The following PACRGL variants were observed in gnomAD, a reference collection of about 807,000 sequenced individuals.
PACRGL encodes the protein PACRG-like protein.
PACRGL carries 38 observed loss-of-function variants against 34.5 expected under a neutral mutation model. The ratio of observed to expected loss-of-function variants is 1.10; its 90% CI spans 0.85 to 1.44. The LOEUF is 1.44. Ranked by LOEUF, PACRGL falls within the 40% of genes most tolerant of loss-of-function variation. The probability of loss-of-function intolerance (pLI) is 0.00; values close to 1 mark genes in which losing one functional copy is unlikely to be tolerated. For missense variants in PACRGL, 305 were observed against 281.4 expected (o/e 1.08, Z -0.60); for synonymous variants, 128 against 100.1 (o/e 1.28, Z -1.66).
chr4:20,752,055 G>GTTTTTTTTTTTT (rs33912651), intron 8 of PACRGL, among the ~76,000 whole-genome samples: 1 of 121,674 alleles, frequency 8.2e-6, no homozygotes, highest in South Asian at 2.9e-4. Flanking sequence ...ACTTCATAGA[G>GTTTTTTTTTTTT]TTTTTTTTTT....
chr4:20,723,320 C>T (rs1198068016), intron 7 of PACRGL, among the ~76,000 whole-genome samples: 1 of 152,106 alleles, frequency 6.6e-6, no homozygotes, highest in Non-Finnish European at 1.5e-5. Context: ...TGCACTCTGC[C>T]CTCCTGTTTT....
intron 7 of PACRGL, 60 bp downstream of exon 7, chr4:20,713,599 C>T: frequency 7.4e-7 from 1 of 1,349,992 alleles, no homozygotes; most frequent in Admixed American, 1.8e-5. Flanking sequence ...ATCCATATCT[C>T]TTCATGATTT....
downstream of PACRGL, among the ~76,000 whole-genome samples, chr4:20,735,212 G>A (rs75678726): frequency 0.02 from 3,042 of 152,278 alleles, 98 homozygotes; most frequent in African/African-American, 0.07. Context: ...TGGACAGTGG[G>A]TAAGAGCATG....
In PACRGL at chr4:20,704,760, A is replaced by C; in HGVS notation, c.153A>C (p.Ala51=). 6.2e-7 allele frequency: 1 copy of C among 1,614,166 alleles called. No individual in the cohort carries two copies. Among genetic ancestry groups the C allele is most frequent in the South Asian group, 1.1e-5 (1 of 91,082 alleles). The change falls in exon 3 of 9, where the codon GCA becomes GCC. Residue 51 remains alanine, a synonymous_variant. Transcript: ENST00000503585. ...SSLSTSSPES[A]RKLHPRPSDK... ...TGTCAACCAGTTCTCCAGAGTCTGC[A>C]AGAAAACTTCATCCTAGACCAAGTG...
chr4:20,707,947 T>G, intron 4 of PACRGL, 77 bp downstream of exon 4: 1 of 1,142,118 alleles, frequency 8.8e-7, no homozygotes, highest in Non-Finnish European at 1.3e-6. Context: ...TTAGTTTAAA[T>G]GTATTGTAAG....
At chr4:20,742,592 A>G (rs912294772) in intron 8 of PACRGL, among the ~76,000 whole-genome samples, 1 of 152,176 alleles carries the variant, frequency 6.6e-6, no homozygotes, top group Non-Finnish European at 1.5e-5. Context: ...TTTATGGCAA[A>G]CCCACAGCCA....
chr4:20,763,821 G>A, the PACRGL span, among the ~76,000 whole-genome samples: 2 of 152,138 alleles, frequency 1.3e-5, no homozygotes, highest in African/African-American at 4.8e-5. Context: ...GCCTGCCAAA[G>A]TGCTGGGATT....
chr4:20,703,858 G>T (rs533673070), intron 1 of PACRGL, among the ~76,000 whole-genome samples: 1 of 152,182 alleles, frequency 6.6e-6, no homozygotes, highest in Admixed American at 6.5e-5. Flanking sequence ...AGCATTGAGT[G>T]TAGGAAATGA....
At chr4:20,757,244 C>G (rs1171159834), downstream of PACRGL, among the ~76,000 whole-genome samples, 1 of 151,820 alleles carries the variant, frequency 6.6e-6, no homozygotes, top group Non-Finnish European at 1.5e-5. Flanking sequence ...TGTAATCTGT[C>G]CCCACTTCTC....
chr4:20,730,189 T>C lies in PACRGL; in HGVS notation c.*2848T>C. On this transcript the variant is annotated 3_prime_UTR_variant, in exon 9 of 9. Coordinates refer to ENST00000503585, the MANE Select transcript of PACRGL (RefSeq NM_001258345.3). ...CATATCTGCAAGGAAAAGTACACTATTTTGCCCCTGAGTATTGCCTCCTCC... is the reference window on the plus strand; with the variant it reads ...CATATCTGCAAGGAAAAGTACACTACTTTGCCCCTGAGTATTGCCTCCTCC... The C allele has an allele frequency of 6.5e-7, 1 of 1,538,588 alleles. No individual in the cohort carries two copies. The highest frequency in any genetic ancestry group is 8.7e-7 in the Non-Finnish European group (1 of 1,143,140).
chr4:20,756,406 T>C (rs535492591), downstream of PACRGL, among the ~76,000 whole-genome samples: 1 of 152,260 alleles, frequency 6.6e-6, no homozygotes, highest in East Asian at 1.9e-4. Context: ...ATCTCTTTTC[T>C]TTTCTATCCT....
At chr4:20,745,043 C>T (rs1296787972) in intron 8 of PACRGL, among the ~76,000 whole-genome samples, 2 of 152,148 alleles carry the variant, frequency 1.3e-5, no homozygotes, top group Non-Finnish European at 2.9e-5. Context: ...GACTCAGACT[C>T]TTGCTAGGAA....
intron 8 of PACRGL, among the ~76,000 whole-genome samples, chr4:20,741,547 A>G: frequency 6.6e-6 from 1 of 152,218 alleles, no homozygotes; most frequent in Non-Finnish European, 1.5e-5. Flanking sequence ...ACGTACCAGA[A>G]TCTCTGGGAC....
chr4:20,750,680 A>G (rs1011189147), intron 8 of PACRGL, among the ~76,000 whole-genome samples: 1 of 152,026 alleles, frequency 6.6e-6, no homozygotes, highest in Non-Finnish European at 1.5e-5. Flanking sequence ...CTGAGTGCCT[A>G]GCTTTCATTC....
chr4:20,705,371 T>A (rs1276087245), intron 3 of PACRGL, among the ~76,000 whole-genome samples: 2 of 152,188 alleles, frequency 1.3e-5, no homozygotes, highest in Non-Finnish European at 2.9e-5. Context: ...GGGTGAGATG[T>A]TAGTGATTTC....
rs1560400521 is a variant in PACRGL at position 20,730,839 on chromosome 4, C to A, written c.*3498C>A. On this transcript the variant is annotated 3_prime_UTR_variant, in exon 9 of 9. Coordinates refer to ENST00000503585, the MANE Select transcript of PACRGL (RefSeq NM_001258345.3). The stretch of plus-strand genomic sequence containing the variant: ...TTGCATGTGAATAGCACTTACTGAG[C>A]TGTTTATGGTAGTGGTAAATGGTGG... 1.3e-5 allele frequency among the ~76,000 whole-genome samples: 2 copies of A among 152,078 alleles called. No homozygotes were observed. The highest frequency in any genetic ancestry group is 4.8e-5 in the African/African-American group (2 of 41,412).
At chr4:20,741,541 A>T (rs1448837153) in intron 8 of PACRGL, among the ~76,000 whole-genome samples, 1 of 152,240 alleles carries the variant, frequency 6.6e-6, no homozygotes, top group Non-Finnish European at 1.5e-5. Context: ...GACACAACGT[A>T]CCAGAATCTC....
At chr4:20,705,251 CAATTT>C (rs1578124652) in intron 3 of PACRGL, among the ~76,000 whole-genome samples, 1 of 152,154 alleles carries the variant, frequency 6.6e-6, no homozygotes, top group African/African-American at 2.4e-5. Context: ...CCTCTCCTAA[CAATTT>C]AATGAGATTT....
intron 7 of PACRGL, among the ~76,000 whole-genome samples, chr4:20,720,409 A>G (rs1229774665): frequency 6.6e-6 from 1 of 152,176 alleles, no homozygotes; most frequent in Non-Finnish European, 1.5e-5. Context: ...TAGTTGATGC[A>G]GTTTCTTCCT....
Sources: allele counts gnomAD v4.1 joint callset (sites outside exome capture counted in the v4.1 genomes callset), GRCh38; gene constraint gnomAD v4.1.1; transcripts MANE v1.5; gene names NCBI Gene and HGNC (gene_info 2026-07-23, HGNC 2026-07-21).